The following ADGRG4 variants were observed in gnomAD, a reference collection of about 807,000 sequenced individuals.
ADGRG4 encodes the protein G protein-coupled receptor 112.
In ADGRG4, 122 loss-of-function variants were observed where a neutral mutation model predicts 126.2. The ratio of observed to expected loss-of-function variants is 0.97; its 90% CI spans 0.83 to 1.12. ADGRG4 has a LOEUF of 1.12. Among genes scored for constraint, ADGRG4 ranks in the 50% most tolerant of loss-of-function variants. The pLI is 0.00. For synonymous variants in ADGRG4, 943 were observed against 838.7 expected (o/e 1.12, Z -2.15); for missense variants, 2,481 against 2,251.8 (o/e 1.10, Z -2.06).
chrX:136,349,000 T>C lies in ADGRG4; in HGVS notation c.5294T>C (p.Ile1765Thr), dbSNP rs756844134. ...GATAGTCTCCATACTTCCTTCAATATTCAGGTTTCCCCATCTCTGACTAGC... is the reference window on the plus strand; with the variant it reads ...GATAGTCTCCATACTTCCTTCAATACTCAGGTTTCCCCATCTCTGACTAGC... The part of the protein sequence containing the change: ...HADSLHTSFN[I>T]QVSPSLTSFK... Residue 1765 changes from isoleucine to threonine, a missense_variant, in exon 6 of 26, where the codon ATT becomes ACT. Transcript: ENST00000394143. 1 of 1,206,572 alleles carries C rather than the reference T, an allele frequency of 8.3e-7. No homozygotes were observed. Among genetic ancestry groups the C allele is most frequent in the East Asian group, 3.0e-5 (1 of 33,700 alleles).
At chrX:136,386,953 C>T (rs1603299257) in intron 15 of ADGRG4, among the ~76,000 whole-genome samples, 1 of 112,064 alleles carries the variant, frequency 8.9e-6, no homozygotes, top group South Asian at 3.7e-4. Flanking sequence ...GTTCTGGTGG[C>T]TGGGAAGTTG....
intron 19 of ADGRG4, among the ~76,000 whole-genome samples, chrX:136,396,038 G>A (rs1037770654): frequency 5.4e-5 from 6 of 110,992 alleles, no homozygotes; most frequent in Admixed American, 4.8e-4. Flanking sequence ...TATAAATATT[G>A]CTGTAATACA....
chrX:136,392,297 C>T lies in ADGRG4; in HGVS notation c.7977C>T (p.Phe2659=). 2 of 1,181,181 alleles carry T rather than the reference C, an allele frequency of 1.7e-6. No homozygotes were observed. Among genetic ancestry groups the T allele is most frequent in the Non-Finnish European group, 2.3e-6 (2 of 874,207 alleles). ...VVSASISDDM[F]IQNLADPVVI... ...GTGCCAGCATTTCAGATGATATGTT[C>T]ATTCAAAACTTAGCTGACCCAGTGG... Residue 2659 remains phenylalanine, a synonymous_variant, in exon 17 of 26, where the codon TTC becomes TTT. Coordinates refer to ENST00000394143, the MANE Select transcript of ADGRG4 (RefSeq NM_153834.4).
chrX:136,334,483 T>C (rs764130138), intron 5 of ADGRG4, among the ~76,000 whole-genome samples: 166 of 112,178 alleles, frequency 1.5e-3, no homozygotes, highest in Non-Finnish European at 2.7e-3. Flanking sequence ...TGTTTGCATA[T>C]AACCTTGATG....
chrX:136,305,194 T>C (rs1243383983), intron 3 of ADGRG4, among the ~76,000 whole-genome samples, 171 bp downstream of exon 3: 1 of 111,955 alleles, frequency 8.9e-6, no homozygotes, highest in Non-Finnish European at 1.9e-5. Context: ...GGGTGAATCA[T>C]GGATTATTCC....
At chrX:136,324,897 A>G (rs1323039889) in intron 5 of ADGRG4, among the ~76,000 whole-genome samples, 3 of 111,837 alleles carry the variant, frequency 2.7e-5, no homozygotes, top group African/African-American at 9.8e-5. Flanking sequence ...TTTTCTTCTG[A>G]GAGCAATTAT....
chrX:136,310,645 G>A (rs1004209587), intron 4 of ADGRG4, among the ~76,000 whole-genome samples: 27 of 111,099 alleles, frequency 2.4e-4, no homozygotes, highest in African/African-American at 8.5e-4. Context: ...AGTGGAGGGT[G>A]ACTCAGAGAT....
At position 136,345,880 on chromosome X, in the gene ADGRG4, C is replaced by T. The variant is rs758468012; in HGVS notation, c.2174C>T (p.Thr725Ile). ...TANDATTARY[T>I]TAVSKLTSPW... Reference sequence around the variant, plus strand: ...AATGATGCTACTACAGCCAGATATACAACAGCTGTATCCAAATTGACATCA... The same window carrying T: ...AATGATGCTACTACAGCCAGATATATAACAGCTGTATCCAAATTGACATCA... Residue 725 changes from threonine (T) to isoleucine (I), a missense_variant, in exon 6 of 26, where the codon ACA becomes ATA. Physicochemically the swap from Thr to Ile is moderately conservative, Grantham distance 89 (BLOSUM62 -1). Transcript: ENST00000394143. 10 of 1,209,528 alleles carry T rather than the reference C, an allele frequency of 8.3e-6. No individual in the cohort carries two copies. The highest frequency in any genetic ancestry group is 1.1e-5 in the Non-Finnish European group (10 of 893,479).
intron 10 of ADGRG4, among the ~76,000 whole-genome samples, chrX:136,358,013 G>A (rs2075104948): frequency 8.9e-6 from 1 of 111,811 alleles, no homozygotes; most frequent in Non-Finnish European, 1.9e-5. Context: ...AATCTGGGAC[G>A]GGGGAGTGAA....
rs763870886 is a variant in ADGRG4 at position 136,322,947 on chromosome X, C to T, written c.240C>T (p.Asn80=). The T allele has an allele frequency of 3.1e-5, 38 of 1,208,474 alleles. No individual in the cohort carries two copies. Among genetic ancestry groups the T allele is most frequent in the Admixed American group, 3.1e-4 (14 of 45,790 alleles). ...YWMAFSYITN[N]ALLGREDIDL... is the part of the protein sequence containing the mutation. ...TGGCCTTCTCTTATATTACTAATAA[C>T]GCCCTCCTGGGCAGAGAAGACATAG... is the stretch of plus-strand genomic sequence containing the variant. Residue 80 remains asparagine (N), a synonymous_variant, in exon 5 of 26, where the codon AAC becomes AAT. Coordinates refer to ENST00000394143, the MANE Select transcript of ADGRG4 (RefSeq NM_153834.4).
rs2074999980 is a variant in ADGRG4, at chrX:136,344,618, G to T, written c.912G>T (p.Lys304Asn). ...LETMTAQKILKTLVDETATFA... is the reference protein window; with the variant it reads ...LETMTAQKILNTLVDETATFA... ...CAATGACTGCACAAAAAATCTTAAA[G>T]ACACTGGTAGATGAGACAGCTACAT... Residue 304 changes from lysine (K) to asparagine (N), a missense_variant, in exon 6 of 26, where the codon AAG becomes AAT. Lys to Asn is a moderately conservative substitution (Grantham distance 94). Coordinates refer to ENST00000394143, the MANE Select transcript of ADGRG4 (RefSeq NM_153834.4). The T allele has an allele frequency of 8.3e-7, 1 of 1,207,265 alleles. No homozygotes were observed. Among genetic ancestry groups the T allele is most frequent in the African/African-American group, 1.8e-5 (1 of 57,089 alleles).
chrX:136,359,587 T>G (rs1603296492), intron 11 of ADGRG4, 132 bp downstream of exon 11: 1 of 511,465 alleles, frequency 2.0e-6, no homozygotes, highest in East Asian at 3.9e-5. Flanking sequence ...TTTTTCATAT[T>G]CTTGGTACCC....
At chrX:136,413,815 A>T (rs377016535) in intron 24 of ADGRG4, among the ~76,000 whole-genome samples, 38 of 106,552 alleles carry the variant, frequency 3.6e-4, no homozygotes, top group African/African-American at 1.3e-3. Context: ...ATCTCGGCTC[A>T]CCGCAACTTC....
intron 22 of ADGRG4, 32 bp downstream of exon 22, chrX:136,403,354 T>A (rs749089720): frequency 5.5e-6 from 6 of 1,082,381 alleles, no homozygotes; most frequent in Admixed American, 4.4e-5. Flanking sequence ...TCTCTGGTGG[T>A]GGGGCTCTGG....
At chrX:136,306,886 G>A (rs1473011959) in intron 3 of ADGRG4, among the ~76,000 whole-genome samples, 1 of 110,067 alleles carries the variant, frequency 9.1e-6, no homozygotes, top group Non-Finnish European at 1.9e-5. Context: ...GGCTAATTTT[G>A]TATTTTTAGT....
At chrX:136,376,376 A>G (rs949907450) in intron 15 of ADGRG4, among the ~76,000 whole-genome samples, 2 of 111,937 alleles carry the variant, frequency 1.8e-5, no homozygotes, top group East Asian at 5.6e-4. Flanking sequence ...TGCTTTGGCT[A>G]TGTGGACTTT....
intron 4 of ADGRG4, among the ~76,000 whole-genome samples, chrX:136,313,773 G>A (rs1482164648): frequency 1.8e-5 from 2 of 111,673 alleles, no homozygotes; most frequent in Non-Finnish European, 3.8e-5. Flanking sequence ...CCCGGAGGTG[G>A]ATGGGCTTCT....
intron 24 of ADGRG4, 127 bp from the exon 25 acceptor site, chrX:136,414,033 G>A (rs868508012): frequency 2.3e-5 from 13 of 556,349 alleles, no homozygotes; most frequent in Admixed American, 8.2e-5. Context: ...GAGCCACTGC[G>A]CCTGGCCTAA....
chrX:136,346,673 C>A lies in ADGRG4; in HGVS notation c.2967C>A (p.Ser989=). The change falls in exon 6 of 26, where the codon TCC becomes TCA. Residue 989 remains serine (S), a synonymous_variant. Coordinates refer to ENST00000394143, the MANE Select transcript of ADGRG4 (RefSeq NM_153834.4). Reference sequence around the variant, plus strand: ...CCCCTACAGACAGGACAGCTACGTCCTTGTCTGATGGTATCTTACCTCCAC... The same window carrying A: ...CCCCTACAGACAGGACAGCTACGTCATTGTCTGATGGTATCTTACCTCCAC... ...STTPTDRTAT[S]LSDGILPPQP... 2 of 1,211,003 alleles carry A rather than the reference C, an allele frequency of 1.7e-6. No individual in the cohort carries two copies. The highest frequency in any genetic ancestry group is 2.2e-6 in the Non-Finnish European group (2 of 895,037).
Sources: gnomAD v4.1 joint callset for allele counts (sites outside exome capture counted in the v4.1 genomes callset) on GRCh38, gnomAD v4.1.1 for gene constraint, MANE v1.5 for transcripts, NCBI Gene and HGNC (gene_info 2026-07-23, HGNC 2026-07-21) for gene names.